COL23A1: variants seen among roughly 807,000 people sequenced by gnomAD.
The protein encoded by COL23A1 is collagen alpha-1(XXIII) chain.
A neutral mutation model predicts 99.3 loss-of-function variants in COL23A1; 97 were observed. The ratio of observed to expected loss-of-function variants is 0.98; its 90% CI spans 0.83 to 1.16. The LOEUF is 1.16. Among genes scored for constraint, COL23A1 ranks in the 50% most tolerant of loss-of-function variants. The pLI, the probability that COL23A1 is intolerant of heterozygous loss-of-function variation, is 0.00. For synonymous variants in COL23A1, 320 were observed against 308.2 expected, an observed-to-expected ratio of 1.04 and a Z score of -0.40; for missense variants, 762 against 757.4, an observed-to-expected ratio of 1.01 and a Z score of -0.07.
chr5:178,240,879 T>C (rs532012997), intron 27 of COL23A1, among the ~76,000 whole-genome samples: 63 of 152,296 alleles, frequency 4.1e-4, no homozygotes, highest in Non-Finnish European at 2.2e-4. Context: ...ACCCAGCTGT[T>C]CTGTTTTTCC....
Position 178,246,198 on chromosome 5 carries a change from C to T in COL23A1, c.1413+56G>A, listed in dbSNP as rs998846057. 132 of 1,532,490 alleles carry T rather than the reference C, an allele frequency of 8.6e-5. 1 individual carries two copies. The South Asian group carries it at 1.3e-3, about 15-fold the overall frequency. 94.9% of individuals were successfully genotyped at this position (1,532,490 alleles called of 1,614,324 possible). A position where few individuals can be genotyped will look rare whatever the true frequency, so the allele number is the denominator to read the frequency against. On this transcript the variant is annotated intron_variant, in intron 24 of 28. Coordinates refer to ENST00000390654, the MANE Select transcript of COL23A1 (RefSeq NM_173465.4). The stretch of plus-strand genomic sequence containing the variant: ...ACAGGGTTGGGGTCCCCGGGCTGAG[C>T]GCCACCATGACCAGGTGGCCACGGT...
chr5:178,437,176 G>C (rs951324586), intron 2 of COL23A1, among the ~76,000 whole-genome samples: 3 of 152,148 alleles, frequency 2.0e-5, no homozygotes, highest in Non-Finnish European at 4.4e-5. Context: ...CCACACTCCT[G>C]TTCCTGCCCT....
rs144466134 is a variant in COL23A1 at position 178,489,395 on chromosome 5, G to A, written c.361+71287C>T. Among the ~76,000 whole-genome samples, 561 of 152,340 alleles carry A rather than the reference G, an allele frequency of 3.7e-3. 1 individual carries two copies. The highest frequency in any genetic ancestry group is 0.013 in the African/African-American group (522 of 41,584). Reference sequence around the variant, plus strand: ...CTGTCGGCTCCCCTGGTTCTGAGGCGTTCAGACTTGGACTGAGCCACGTTA... The same window carrying A: ...CTGTCGGCTCCCCTGGTTCTGAGGCATTCAGACTTGGACTGAGCCACGTTA... On this transcript the variant is annotated intron_variant, in intron 2 of 28. Coordinates refer to ENST00000390654, the MANE Select transcript of COL23A1 (RefSeq NM_173465.4).
rs1470864139 is a variant in COL23A1, at chr5:178,307,723, T to C, written c.362-804A>G. 1.3e-5 allele frequency among the ~76,000 whole-genome samples: 2 copies of C among 152,242 alleles called. No individual in the cohort carries two copies. Among genetic ancestry groups the C allele is most frequent in the East Asian group, 3.8e-4 (2 of 5,202 alleles). ...ACCTCTGTGGCGCTCACTGCCATCCTTCCTGGCGCCCCTTCTCGCCCCTGT... is the reference window on the plus strand; with the variant it reads ...ACCTCTGTGGCGCTCACTGCCATCCCTCCTGGCGCCCCTTCTCGCCCCTGT... On this transcript the variant is annotated intron_variant, in intron 2 of 28. Transcript: ENST00000390654. The surrounding 1 kb of genome is among the most constrained non-coding windows in gnomAD (Gnocchi z 4.2).
chr5:178,583,508 C>A (rs898633251), intron 1 of COL23A1, among the ~76,000 whole-genome samples: 1 of 152,240 alleles, frequency 6.6e-6, no homozygotes, highest in Non-Finnish European at 1.5e-5. Context: ...CACACAGACG[C>A]AGCTGAGCCT....
At chr5:178,586,828 C>A (rs1178222551) in intron 1 of COL23A1, among the ~76,000 whole-genome samples, 7 of 151,900 alleles carry the variant, frequency 4.6e-5, no homozygotes, top group Admixed American at 1.3e-4. Context: ...AGTAGACAAA[C>A]CACCAAAGAG....
At chr5:178,393,231 G>A (rs1351221371) in intron 2 of COL23A1, among the ~76,000 whole-genome samples, 4 of 152,142 alleles carry the variant, frequency 2.6e-5, no homozygotes, top group Non-Finnish European at 4.4e-5. Flanking sequence ...TGACACATGC[G>A]ACAGCACGGA....
intron 3 of COL23A1, among the ~76,000 whole-genome samples, chr5:178,292,410 C>A (rs748355776): frequency 6.6e-6 from 1 of 152,216 alleles, no homozygotes. Flanking sequence ...CTGAAACATG[C>A]TCTAATTCCT....
At chr5:178,455,806 C>T (rs1767755094) in intron 2 of COL23A1, among the ~76,000 whole-genome samples, 1 of 152,084 alleles carries the variant, frequency 6.6e-6, no homozygotes, top group African/African-American at 2.4e-5. Flanking sequence ...GACACTGGCT[C>T]CCTCAGCTCG....
chr5:178,503,573 A>G (rs980449224), intron 2 of COL23A1, among the ~76,000 whole-genome samples: 2 of 152,206 alleles, frequency 1.3e-5, no homozygotes, highest in Admixed American at 1.3e-4. Context: ...GAGGGGCTGC[A>G]CATAAGGTGA....
intron 2 of COL23A1, among the ~76,000 whole-genome samples, chr5:178,531,559 C>T (rs1760652620): frequency 1.3e-5 from 2 of 152,206 alleles, no homozygotes; most frequent in South Asian, 4.1e-4. Flanking sequence ...CTGGAATTAT[C>T]ATCCTGCAAG....
At chr5:178,419,413 A>G (rs1196598416) in intron 2 of COL23A1, among the ~76,000 whole-genome samples, 2 of 152,216 alleles carry the variant, frequency 1.3e-5, no homozygotes, top group Non-Finnish European at 2.9e-5. Flanking sequence ...ACGACAGTAA[A>G]CACTGACTGC....
rs946263221 is a variant in COL23A1 at position 178,280,112 on chromosome 5, T to G, written c.441+8212A>C. On this transcript the variant is annotated intron_variant, in intron 5 of 28. Transcript: ENST00000390654. The surrounding 1 kb of genome is among the most constrained non-coding windows in gnomAD (Gnocchi z 4.9). ...TTCTCTGAATGAACGTCCATCCTGC[T>G]GGCTCTCGTGCCCGGCCAGGGAACA... Among the ~76,000 whole-genome samples, 2 of 152,268 alleles carry G rather than the reference T, an allele frequency of 1.3e-5. No homozygotes were observed. The highest frequency in any genetic ancestry group is 2.9e-5 in the Non-Finnish European group (2 of 68,048).
chr5:178,451,878 C>G (rs10479493), intron 2 of COL23A1, among the ~76,000 whole-genome samples: 37,974 of 151,850 alleles, frequency 0.25, 5,401 homozygotes, highest in Middle Eastern at 0.34. Flanking sequence ...AGATTTGAAA[C>G]AGTGGAGATG....
intron 2 of COL23A1, among the ~76,000 whole-genome samples, chr5:178,427,451 A>C (rs1766006351): frequency 6.6e-6 from 1 of 152,232 alleles, no homozygotes; most frequent in Admixed American, 6.5e-5. Context: ...ACGTATGTCC[A>C]TACAAAAGCC....
At chr5:178,549,772 A>AC (rs1284426710) in intron 2 of COL23A1, among the ~76,000 whole-genome samples, 1 of 152,162 alleles carries the variant, frequency 6.6e-6, no homozygotes, top group African/African-American at 2.4e-5. Flanking sequence ...CCGAGATTGC[A>AC]CCATTGCACT....
chr5:178,295,506 G>C (rs111402881), intron 3 of COL23A1, among the ~76,000 whole-genome samples: 3 of 152,296 alleles, frequency 2.0e-5, no homozygotes, highest in African/African-American at 7.2e-5. Flanking sequence ...AGGGCAATGA[G>C]GACAGTCACC....
At chr5:178,558,704 A>T (rs1166830678) in intron 2 of COL23A1, among the ~76,000 whole-genome samples, 1 of 152,146 alleles carries the variant, frequency 6.6e-6, no homozygotes, top group African/African-American at 2.4e-5. Context: ...GCGAAAAAGA[A>T]GGACTGTTGG....
At chr5:178,556,946 G>A (rs766989046) in intron 2 of COL23A1, among the ~76,000 whole-genome samples, 3 of 151,992 alleles carry the variant, frequency 2.0e-5, no homozygotes, top group Admixed American at 6.6e-5. Context: ...AGAGTGAAAC[G>A]CTATCTCAAA....
Sources: gnomAD v4.1 joint callset for allele counts (sites outside exome capture counted in the v4.1 genomes callset) on GRCh38, gnomAD v4.1.1 for gene constraint, Gnocchi (gnomAD v3.1) non-coding constraint, MANE v1.5 for transcripts, NCBI Gene and HGNC (gene_info 2026-07-23, HGNC 2026-07-21) for gene names.